The following ALMS1 variants were observed in gnomAD, a reference collection of about 807,000 sequenced individuals.
ALMS1 encodes the protein centrosome-associated protein ALMS1.
A neutral mutation model predicts 352.2 loss-of-function variants in ALMS1; 271 were observed. The ratio of observed to expected loss-of-function variants is 0.77; its 90% confidence interval spans 0.70 to 0.85. ALMS1 has a LOEUF of 0.85. ALMS1 is among the 40% of genes least tolerant of loss of function. The pLI is 0.00. For synonymous variants in ALMS1, 1,865 were observed against 1,761.2 expected (o/e 1.06, Z -1.48); for missense variants, 5,445 against 4,870.7 (o/e 1.12, Z -3.51).
At chr2:73,511,703 A>G (rs1673457255) in intron 10 of ALMS1, among the ~76,000 whole-genome samples, 1 of 152,094 alleles carries the variant, frequency 6.6e-6, no homozygotes, top group Non-Finnish European at 1.5e-5. Flanking sequence ...ACTAGGAGTG[A>G]TTTTACCTCT....
At chr2:73,406,283 C>T (rs925537184) in intron 1 of ALMS1, among the ~76,000 whole-genome samples, 1 of 152,058 alleles carries the variant, frequency 6.6e-6, no homozygotes, top group Admixed American at 6.6e-5. Flanking sequence ...AATGTATTTT[C>T]TCTGATATTA....
At chr2:73,549,685 G>T (rs898584084) in intron 12 of ALMS1, among the ~76,000 whole-genome samples, 11 of 151,982 alleles carry the variant, frequency 7.2e-5, no homozygotes, top group Admixed American at 6.6e-4. Flanking sequence ...TCATGAGCTG[G>T]AAATATTCTC....
At chr2:73,445,757 C>A (rs1671799825) in intron 7 of ALMS1, among the ~76,000 whole-genome samples, 1 of 142,020 alleles carries the variant, frequency 7.0e-6, no homozygotes, top group Non-Finnish European at 1.5e-5. Flanking sequence ...AGTTCCCACC[C>A]AATATACAAC....
rs778870059 is a variant in ALMS1, at chr2:73,608,575, G to A, written c.12462+1G>A. The A allele has an allele frequency of 6.2e-7, 1 of 1,609,990 alleles. No homozygotes were observed. Among genetic ancestry groups the A allele is most frequent in the Non-Finnish European group, 8.5e-7 (1 of 1,176,332 alleles). Reference sequence around the variant, plus strand: ...GCTGCGAGCCCAGCTATATAAAAAGGTCAGTGGGTCCTCTGTCTAGAGTGG... The same window carrying A: ...GCTGCGAGCCCAGCTATATAAAAAGATCAGTGGGTCCTCTGTCTAGAGTGG... On this transcript the variant is annotated splice_donor_variant, in intron 22 of 22. Transcript: ENST00000613296. LOFTEE classifies it high-confidence loss of function.
rs751935502 is a variant in ALMS1 at position 73,448,117 on chromosome 2, T to C, written c.1590T>C (p.Thr530=). 6.2e-7 allele frequency: 1 copy of C among 1,613,940 alleles called. No individual in the cohort carries two copies. The highest frequency in any genetic ancestry group is 8.5e-7 in the Non-Finnish European group (1 of 1,179,864). The change falls in exon 8 of 23, where the codon ACT becomes ACC. Residue 530 remains threonine, a synonymous_variant. Transcript: ENST00000613296. ...TAAGTTCTCCTCTAGAAACTACTAC[T>C]GGTCAACACACTGATACTCTCAACC... ...LAVSSPLETT[T]GQHTDTLNQK...
At chr2:73,602,517 A>G in intron 20 of ALMS1, 149 bp downstream of exon 20, 1 of 935,766 alleles carries the variant, frequency 1.1e-6, no homozygotes, top group Non-Finnish European at 1.7e-6. Flanking sequence ...CTTCTTAGCT[A>G]GCAGAATCTC....
chr2:73,431,203 C>A (rs10190219), intron 6 of ALMS1, among the ~76,000 whole-genome samples: 1 of 151,876 alleles, frequency 6.6e-6, no homozygotes, highest in African/African-American at 2.4e-5. Flanking sequence ...TCAAATGTCC[C>A]TTGATGGGTA....
chr2:73,558,745 T>G, intron 14 of ALMS1, among the ~76,000 whole-genome samples: 1 of 152,144 alleles, frequency 6.6e-6, no homozygotes, highest in Middle Eastern at 3.2e-3. Flanking sequence ...TAGTTTTTCT[T>G]TCTTTGAATA....
intron 7 of ALMS1, among the ~76,000 whole-genome samples, chr2:73,434,936 A>T (rs558901222): frequency 6.6e-6 from 1 of 152,176 alleles, no homozygotes; most frequent in African/African-American, 2.4e-5. Flanking sequence ...AGCTGGGACT[A>T]TAGGCGTGTG....
chr2:73,524,010 A>G (rs1043586070), intron 11 of ALMS1, among the ~76,000 whole-genome samples: 1 of 152,238 alleles, frequency 6.6e-6, no homozygotes, highest in Admixed American at 6.5e-5. Flanking sequence ...ATTCATAATC[A>G]TATGAGCAAT....
intron 21 of ALMS1, among the ~76,000 whole-genome samples, chr2:73,606,403 T>C (rs753019450): frequency 6.6e-6 from 1 of 152,184 alleles, no homozygotes; most frequent in Non-Finnish European, 1.5e-5. Flanking sequence ...ACAGGGTTTG[T>C]TGTGGGGCAG....
chr2:73,414,668 TA>T (rs1671150819), intron 2 of ALMS1, among the ~76,000 whole-genome samples: 1 of 152,032 alleles, frequency 6.6e-6, no homozygotes, highest in African/African-American at 2.4e-5. Flanking sequence ...ACACTATTAT[TA>T]ATCATTACAT....
intron 6 of ALMS1, 85 bp from the exon 7 acceptor site, chr2:73,432,108 ATTTTC>A: frequency 2.1e-6 from 2 of 961,056 alleles, no homozygotes. Context: ...TTAATATCTT[ATTTTC>A]TTCATTTCTT....
intron 6 of ALMS1, among the ~76,000 whole-genome samples, chr2:73,429,818 C>G (rs1377460467): frequency 3.3e-5 from 5 of 152,098 alleles, no homozygotes; most frequent in Admixed American, 1.3e-4. Flanking sequence ...TGCTCTATAG[C>G]AAAATAACTC....
chr2:73,583,995 A>G (rs1428194863), intron 16 of ALMS1, among the ~76,000 whole-genome samples: 2 of 152,032 alleles, frequency 1.3e-5, no homozygotes, highest in East Asian at 3.8e-4. Context: ...ATTTCTTGCT[A>G]TTTCCAATCT....
At chr2:73,422,659 A>G (rs1332848708) in intron 3 of ALMS1, among the ~76,000 whole-genome samples, 198 bp from the exon 4 acceptor site, 59 of 152,126 alleles carry the variant, frequency 3.9e-4, no homozygotes, top group Admixed American at 3.9e-3. Context: ...ATTAAATGAA[A>G]TATTGTGTGT....
intron 11 of ALMS1, 42 bp from the exon 12 acceptor site, chr2:73,534,782 A>G (rs1206787346): frequency 1.2e-6 from 2 of 1,603,302 alleles, no homozygotes; most frequent in Non-Finnish European, 8.5e-7. Flanking sequence ...ATGAATTAAC[A>G]AATGTTTTTC....
chr2:73,468,554 C>A (rs1481201133), intron 9 of ALMS1, among the ~76,000 whole-genome samples: 1 of 152,076 alleles, frequency 6.6e-6, no homozygotes, highest in African/African-American at 2.4e-5. Flanking sequence ...TTCTGTCTTC[C>A]CATCTGCCCC....
intron 9 of ALMS1, among the ~76,000 whole-genome samples, chr2:73,464,179 T>C (rs1193736723): frequency 2.6e-5 from 4 of 152,198 alleles, no homozygotes; most frequent in East Asian, 3.9e-4. Flanking sequence ...TGATGAACAT[T>C]GATGCAAAAA....
Sources: gnomAD v4.1 joint callset for allele counts (sites outside exome capture counted in the v4.1 genomes callset) on GRCh38, gnomAD v4.1.1 for gene constraint, MANE v1.5 for transcripts, NCBI Gene and HGNC (gene_info 2026-07-23, HGNC 2026-07-21) for gene names.